The following DNAJC17 variants were observed in gnomAD, a reference collection of about 807,000 sequenced individuals.
The protein encoded by DNAJC17 is dnaJ homolog subfamily C member 17.
In DNAJC17, 35 loss-of-function variants were observed where a neutral mutation model predicts 48.1. That is an observed-to-expected ratio of 0.73 (90% CI 0.56 to 0.96). The LOEUF (loss-of-function observed/expected upper bound fraction) is 0.96. DNAJC17 is among the 50% of genes least tolerant of loss of function. The pLI, the probability that DNAJC17 is intolerant of heterozygous loss-of-function variation, is 0.00. For synonymous variants in DNAJC17, 117 were observed against 142.7 expected (o/e 0.82, Z 1.28); for missense variants, 355 against 377.1 (o/e 0.94, Z 0.48).
rs777990539 is a variant in DNAJC17 at position 40,774,346 on chromosome 15, C to T, written c.681+10G>A. On this transcript the variant is annotated intron_variant, in intron 9 of 10. Coordinates refer to ENST00000220496, the MANE Select transcript of DNAJC17 (RefSeq NM_018163.3). Reference sequence around the variant, plus strand: ...CCACGAGGGGCCCCCAAGCCTCATGCAGCACTCACCGCTGCCTTGACGGTT... The same window carrying T: ...CCACGAGGGGCCCCCAAGCCTCATGTAGCACTCACCGCTGCCTTGACGGTT... The T allele has an allele frequency of 1.2e-6, 2 of 1,613,734 alleles. No homozygotes were observed. The highest frequency in any genetic ancestry group is 2.2e-5 in the South Asian group (2 of 91,072).
In DNAJC17 at chr15:40,765,666, A is replaced by G. The variant is rs536054585; in HGVS notation, c.*2274T>C. On this transcript the variant is annotated 3_prime_UTR_variant, in exon 11 of 11. Transcript: ENST00000220496. Reference sequence around the variant, plus strand: ...CTCCTCCTGATCATTGATGGGCTCCACCCCTTCACAGCTTGTGCTCAGCCC... The same window carrying G: ...CTCCTCCTGATCATTGATGGGCTCCGCCCCTTCACAGCTTGTGCTCAGCCC... The G allele has an allele frequency of 1.4e-4, 56 of 412,748 alleles. No homozygotes were observed. Among genetic ancestry groups the G allele is most frequent in the Non-Finnish European group, 2.2e-4 (51 of 230,994 alleles). The allele number at this position is 412,748 out of a possible 1,614,324, so 25.6% of individuals were successfully genotyped here.
chr15:40,799,248 A>C (rs1033092606), intron 1 of DNAJC17, among the ~76,000 whole-genome samples: 8 of 146,138 alleles, frequency 5.5e-5, no homozygotes. Flanking sequence ...AAAAAAAAAG[A>C]ATTTGGTGCT....
intron 1 of DNAJC17, among the ~76,000 whole-genome samples, chr15:40,787,196 G>A (rs1889663676): frequency 6.6e-6 from 1 of 152,148 alleles, no homozygotes; most frequent in Non-Finnish European, 1.5e-5. Context: ...AGAGCATAAG[G>A]GTATAGGAAG....
At chr15:40,779,765 C>T (rs1460657933) in intron 2 of DNAJC17, 162 bp from the exon 3 acceptor site, 4 of 1,083,956 alleles carry the variant, frequency 3.7e-6, no homozygotes, top group Non-Finnish European at 5.4e-6. Flanking sequence ...ATATCAGCAA[C>T]TGACCAGACA....
chr15:40,797,826 A>G (rs923200144), intron 1 of DNAJC17, among the ~76,000 whole-genome samples: 8 of 150,350 alleles, frequency 5.3e-5, no homozygotes, highest in African/African-American at 2.0e-4. Flanking sequence ...GGTTCAAGCA[A>G]TTCTCCCGCC....
rs200059682 is a variant in DNAJC17, at chr15:40,767,208, C to T, written c.*732G>A. 1,152 of 1,488,774 alleles carry T rather than the reference C, an allele frequency of 7.7e-4. 8 individuals carry two copies. Among genetic ancestry groups the T allele is most frequent in the Non-Finnish European group, 1.1e-4 (118 of 1,116,896 alleles). 92.2% of individuals were successfully genotyped at this position (1,488,774 alleles called of 1,614,324 possible). ...GCTGTGTGCCCCTCCTCACCCCCCC[C>T]ATCCTGTCTCTTTGCAGTTATGAAT... On this transcript the variant is annotated 3_prime_UTR_variant, in exon 11 of 11. Transcript: ENST00000220496.
rs544972094 is a variant in DNAJC17 at position 40,765,665 on chromosome 15, C to T, written c.*2275G>A. 8.2e-5 allele frequency: 34 copies of T among 412,266 alleles called. No individual in the cohort carries two copies. The highest frequency in any genetic ancestry group is 4.9e-4 in the African/African-American group (24 of 48,942). 25.5% of individuals were successfully genotyped at this position (412,266 alleles called of 1,614,324 possible). ...GCTCCTCCTGATCATTGATGGGCTC[C>T]ACCCCTTCACAGCTTGTGCTCAGCC... On this transcript the variant is annotated 3_prime_UTR_variant, in exon 11 of 11. Transcript: ENST00000220496.
Position 40,767,308 on chromosome 15 carries a change from G to C in DNAJC17, c.*632C>G. The stretch of plus-strand genomic sequence containing the variant: ...GGGCTTCCGTGTGCTGAGCATGACG[G>C]GGGTGGGCCAGACGCTGGTGTGGTG... On this transcript the variant is annotated 3_prime_UTR_variant, in exon 11 of 11. Transcript: ENST00000220496. 6.2e-7 allele frequency: 1 copy of C among 1,604,264 alleles called. No homozygotes were observed. The highest frequency in any genetic ancestry group is 8.5e-7 in the Non-Finnish European group (1 of 1,175,756).
chr15:40,765,869 G>C lies in DNAJC17; in HGVS notation c.*2071C>G. The C allele has an allele frequency of 6.3e-7, 1 of 1,586,864 alleles. No homozygotes were observed. The highest frequency in any genetic ancestry group is 8.6e-7 in the Non-Finnish European group (1 of 1,162,240). Reference sequence around the variant, plus strand: ...GGTGGGCGATGAACAGTCGGATCCAGAGCTGATGCAGCATCTGGGGGCTTC... The same window carrying C: ...GGTGGGCGATGAACAGTCGGATCCACAGCTGATGCAGCATCTGGGGGCTTC... On this transcript the variant is annotated 3_prime_UTR_variant, in exon 11 of 11. Coordinates refer to ENST00000220496, the MANE Select transcript of DNAJC17 (RefSeq NM_018163.3).
intron 10 of DNAJC17, chr15:40,772,305 G>C (rs1024395680): frequency 6.0e-6 from 1 of 167,168 alleles, no homozygotes; most frequent in South Asian, 2.1e-4. Flanking sequence ...GGCCCCCCGG[G>C]ACTCGCTAAG....
rs1247134234 is a variant in DNAJC17, at chr15:40,765,453, T to C, written c.*2487A>G. 1 of 158,760 alleles carries C rather than the reference T, an allele frequency of 6.3e-6. No homozygotes were observed. The highest frequency in any genetic ancestry group is 1.4e-5 in the Non-Finnish European group (1 of 72,550). The allele number at this position is 158,760 out of a possible 1,614,324, so 9.8% of individuals were successfully genotyped here. On this transcript the variant is annotated 3_prime_UTR_variant, in exon 11 of 11. Coordinates refer to ENST00000220496, the MANE Select transcript of DNAJC17 (RefSeq NM_018163.3). ...TACATGTTTATTTTGTTTTGTTTTT[T>C]TGAAATGGAGTCTCACTCTGTCACC...
Position 40,801,159 on chromosome 15 carries a change from T to C in DNAJC17, c.78+6210A>G, listed in dbSNP as rs188668057. Among the ~76,000 whole-genome samples the C allele has an allele frequency of 9.0e-4, 137 of 152,300 alleles. 1 individual carries two copies. Among genetic ancestry groups the C allele is most frequent in the Middle Eastern group, 3.4e-3 (1 of 294 alleles). On this transcript the variant is annotated intron_variant, in intron 1 of 10. Transcript: ENST00000220496. ...ACAAATACTTATTGAGAACCTACTA[T>C]GTGCCAGTCACCAGGTAAGGGGCTG...
chr15:40,785,153 C>T (rs1889608233), intron 1 of DNAJC17, among the ~76,000 whole-genome samples: 2 of 152,056 alleles, frequency 1.3e-5, no homozygotes, highest in African/African-American at 4.8e-5. Context: ...AAAGGGATAT[C>T]CCCGAAAAAG....
At position 40,770,312 on chromosome 15, in the gene DNAJC17, A is replaced by ACTCCCAGCT. The variant is rs1566818752; in HGVS notation, c.793-2251_793-2250insAGCTGGGAG. The ACTCCCAGCT allele has an allele frequency of 9.7e-6, 6 of 618,152 alleles. No individual in the cohort carries two copies. Among genetic ancestry groups the ACTCCCAGCT allele is most frequent in the African/African-American group, 5.5e-5 (3 of 54,136 alleles). The allele number at this position is 618,152 out of a possible 1,614,324, so 38.3% of individuals were successfully genotyped here. On this transcript the variant is annotated intron_variant, in intron 10 of 10. Coordinates refer to ENST00000220496, the MANE Select transcript of DNAJC17 (RefSeq NM_018163.3). The surrounding 1 kb of genome is among the most constrained non-coding windows in gnomAD (Gnocchi z 5.0). The stretch of plus-strand genomic sequence containing the variant: ...AGCTGTCTGCTCTCCTGGGCAAAAA[A>ACTCCCAGCT]GTTCCTTCTTCCTGAGCCCTCCTCT...
At chr15:40,775,823 G>A (rs944225055) in intron 6 of DNAJC17, among the ~76,000 whole-genome samples, 13 of 152,126 alleles carry the variant, frequency 8.5e-5, no homozygotes, top group African/African-American at 3.1e-4. Flanking sequence ...CCACTTGTCA[G>A]CACTCTCTGA....
chr15:40,777,269 TTC>T (rs952158404), intron 4 of DNAJC17, among the ~76,000 whole-genome samples: 10 of 151,006 alleles, frequency 6.6e-5, no homozygotes, highest in African/African-American at 2.0e-4. Flanking sequence ...GACTCTCCTT[TTC>T]TCTCTCTCTC....
chr15:40,776,396 A>C, intron 5 of DNAJC17, 104 bp from the exon 6 acceptor site: 1 of 1,471,032 alleles, frequency 6.8e-7, no homozygotes, highest in Middle Eastern at 1.7e-4. Context: ...GCTAGGGCTC[A>C]GCAACCTGTG....
intron 1 of DNAJC17, among the ~76,000 whole-genome samples, chr15:40,784,025 G>A (rs1350969589): frequency 6.6e-6 from 1 of 151,950 alleles, no homozygotes; most frequent in African/African-American, 2.4e-5. Context: ...TCAGGAATTC[G>A]AGACCAGCCT....
At chr15:40,773,255 C>T (rs527591964) in intron 10 of DNAJC17, among the ~76,000 whole-genome samples, 2 of 152,176 alleles carry the variant, frequency 1.3e-5, no homozygotes, top group African/African-American at 4.8e-5. Context: ...CCACTGCGCC[C>T]AGCCTGCCAG....
Sources: gnomAD v4.1 joint callset for allele counts (sites outside exome capture counted in the v4.1 genomes callset) on GRCh38, gnomAD v4.1.1 for gene constraint, Gnocchi (gnomAD v3.1) non-coding constraint, MANE v1.5 for transcripts, NCBI Gene and HGNC (gene_info 2026-07-23, HGNC 2026-07-21) for gene names.